The following PCDHA9 variants were observed in gnomAD, a reference collection of about 807,000 sequenced individuals.
The protein encoded by PCDHA9 is protocadherin alpha-9.
A neutral mutation model predicts 62.0 loss-of-function variants in PCDHA9; 62 were observed. The ratio of observed to expected loss-of-function variants is 1.00; its 90% confidence interval spans 0.81 to 1.23. The LOEUF (loss-of-function observed/expected upper bound fraction) is 1.23, where lower values mean the gene tolerates loss of function less well. PCDHA9 is among the 50% of genes most tolerant of loss of function. The pLI is 0.00. For missense variants in PCDHA9, 1,205 were observed against 1,249.8 expected, an observed-to-expected ratio of 0.96 and a Z score of 0.54; for synonymous variants, 557 against 567.6, an observed-to-expected ratio of 0.98 and a Z score of 0.27.
chr5:140,916,563 G>A (rs2077621809), intron 1 of PCDHA9, among the ~76,000 whole-genome samples: 1 of 152,198 alleles, frequency 6.6e-6, no homozygotes, highest in African/African-American at 2.4e-5. Context: ...TGTCCAGGGT[G>A]TGTCTAGAAA....
At chr5:140,988,085 G>T (rs1490034264) in intron 3 of PCDHA9, among the ~76,000 whole-genome samples, 1 of 152,176 alleles carries the variant, frequency 6.6e-6, no homozygotes, top group East Asian at 1.9e-4. Flanking sequence ...ATGAGTGAGT[G>T]CAGCCTCGGG....
chr5:140,921,941 A>G (rs1294349868), intron 1 of PCDHA9, among the ~76,000 whole-genome samples: 1 of 152,068 alleles, frequency 6.6e-6, no homozygotes, highest in Non-Finnish European at 1.5e-5. Context: ...ATAATTTTAC[A>G]CTTGTAAAAT....
intron 1 of PCDHA9, chr5:140,882,692 A>G (rs998224514): frequency 6.2e-7 from 1 of 1,614,204 alleles, no homozygotes; most frequent in South Asian, 1.1e-5. Context: ...ACGAATAATC[A>G]TTGCAGAATC....
At chr5:140,966,790 T>C in intron 1 of PCDHA9, 1 of 1,529,556 alleles carries the variant, frequency 6.5e-7, no homozygotes, top group Non-Finnish European at 8.8e-7. Context: ...GCACCAGACC[T>C]GCGGCGACAG....
chr5:140,966,951 C>G lies in PCDHA9; in HGVS notation c.2395-11998C>G, dbSNP rs781885198. 3.1e-5 allele frequency: 50 copies of G among 1,603,624 alleles called. No individual in the cohort carries two copies. The highest frequency in any genetic ancestry group is 4.2e-5 in the Non-Finnish European group (50 of 1,178,520). The stretch of plus-strand genomic sequence containing the variant: ...CCCGGCGCGCTCGTGGGCAACGTGG[C>G]TCGCGCGCTGGGGCTTGAGCTGCGG... On this transcript the variant is annotated intron_variant, in intron 1 of 3. Coordinates refer to ENST00000532602, the MANE Select transcript of PCDHA9 (RefSeq NM_031857.2).
At chr5:140,868,157 G>C (rs1380314181) in intron 1 of PCDHA9, 1 of 151,956 alleles carries the variant, frequency 6.6e-6, no homozygotes, top group Non-Finnish European at 1.5e-5. Flanking sequence ...GTTACATAAA[G>C]TGCTAAATTT....
chr5:140,920,029 T>C (rs1584162393), intron 1 of PCDHA9, among the ~76,000 whole-genome samples: 1 of 152,118 alleles, frequency 6.6e-6, no homozygotes, highest in African/African-American at 2.4e-5. Flanking sequence ...GAGACAGAGA[T>C]TGGAGTGATG....
Position 140,982,348 on chromosome 5 carries a change from T to C in PCDHA9, c.2454-127T>C, listed in dbSNP as rs1253085859. 9 of 1,495,962 alleles carry C rather than the reference T, an allele frequency of 6.0e-6. No homozygotes were observed. The Admixed American group carries it at 1.7e-4, about 28-fold the overall frequency. 92.7% of individuals were successfully genotyped at this position (1,495,962 alleles called of 1,614,324 possible). On this transcript the variant is annotated intron_variant, in intron 2 of 3. Transcript: ENST00000532602. Reference sequence around the variant, plus strand: ...ACTGCTCAGCAGTAATTGCTTCAGTTCAAGCATGAGCAGAATGTGTTAGCT... The same window carrying C: ...ACTGCTCAGCAGTAATTGCTTCAGTCCAAGCATGAGCAGAATGTGTTAGCT...
intron 3 of PCDHA9, 87 bp downstream of exon 3, chr5:140,982,650 C>T (rs1299219435): frequency 4.6e-6 from 7 of 1,507,000 alleles, no homozygotes; most frequent in Non-Finnish European, 5.3e-6. Flanking sequence ...ATGTTGATGG[C>T]TCTTTTTCTT....
intron 1 of PCDHA9, among the ~76,000 whole-genome samples, chr5:140,913,895 C>A (rs2076500910): frequency 6.6e-6 from 1 of 152,066 alleles, no homozygotes; most frequent in South Asian, 2.1e-4. Flanking sequence ...TTCCAAAATT[C>A]CCCTTTTTTA....
chr5:140,982,689 T>A, intron 3 of PCDHA9, 126 bp downstream of exon 3: 1 of 1,413,688 alleles, frequency 7.1e-7, no homozygotes, highest in Non-Finnish European at 9.3e-7. Context: ...CTTTTTTCCA[T>A]ACATACATGA....
At chr5:140,928,453 T>C in intron 1 of PCDHA9, 1 of 1,613,888 alleles carries the variant, frequency 6.2e-7, no homozygotes, top group Non-Finnish European at 8.5e-7. Context: ...GCTCAGGGGG[T>C]TTCATTTCCA....
chr5:140,938,760 T>C (rs574872397), intron 1 of PCDHA9, among the ~76,000 whole-genome samples: 2 of 152,286 alleles, frequency 1.3e-5, no homozygotes, highest in Admixed American at 1.3e-4. Flanking sequence ...GCATAGTTAT[T>C]GGGTACTAGA....
At chr5:140,858,252 C>T in intron 1 of PCDHA9, 1 of 1,596,744 alleles carries the variant, frequency 6.3e-7, no homozygotes. Context: ...CCGGTGAAGC[C>T]CACGCTGGTG....
intron 1 of PCDHA9, among the ~76,000 whole-genome samples, chr5:140,969,831 G>A (rs559083785): frequency 3.9e-4 from 60 of 152,296 alleles, no homozygotes; most frequent in African/African-American, 1.4e-3. Context: ...TGTCTACAGT[G>A]GAAATTATCT....
At chr5:140,862,745 A>G (rs1403297614) in intron 1 of PCDHA9, 1 of 578,200 alleles carries the variant, frequency 1.7e-6, no homozygotes, top group Non-Finnish European at 3.3e-6. Context: ...GTGTGGGTGC[A>G]CGCGGAGAGC....
At position 140,976,923 on chromosome 5, in the gene PCDHA9, C is replaced by T. The variant is rs2096737530; in HGVS notation, c.2395-2026C>T. Among the ~76,000 whole-genome samples the T allele has an allele frequency of 2.0e-5, 3 of 152,236 alleles. No individual in the cohort carries two copies. The South Asian group carries it at 6.2e-4, about 32-fold the overall frequency. On this transcript the variant is annotated intron_variant, in intron 1 of 3. Transcript: ENST00000532602. The stretch of plus-strand genomic sequence containing the variant: ...ATGTAATAAAGTGCAAAATCTAGTA[C>T]TGTGTAGCTACTTAAAACATATTAT...
At chr5:140,884,068 T>A (rs1554181200) in intron 1 of PCDHA9, 1 of 1,613,416 alleles carries the variant, frequency 6.2e-7, no homozygotes. Context: ...TGGACGCCGA[T>A]TCGGGCTACA....
chr5:140,852,725 A>G lies in PCDHA9; in HGVS notation c.2394+1836A>G. The G allele has an allele frequency of 3.1e-6, 3 of 983,054 alleles. 1 individual carries two copies. The highest frequency in any genetic ancestry group is 3.7e-6 in the Non-Finnish European group (3 of 815,624). 60.9% of individuals were successfully genotyped at this position (983,054 alleles called of 1,614,324 possible). A position where few individuals can be genotyped will look rare whatever the true frequency, so the allele number is the denominator to read the frequency against. On this transcript the variant is annotated intron_variant, in intron 1 of 3. Coordinates refer to ENST00000532602, the MANE Select transcript of PCDHA9 (RefSeq NM_031857.2). ...GTATCTTTGTCTTTGCACGTTTTTC[A>G]AGTTTCATGTGCCATTTAAACTTGG...
Sources: allele counts gnomAD v4.1 joint callset (sites outside exome capture counted in the v4.1 genomes callset), GRCh38; gene constraint gnomAD v4.1.1; transcripts MANE v1.5; gene names NCBI Gene and HGNC (gene_info 2026-07-23, HGNC 2026-07-21).